NLRC3: variants seen among roughly 807,000 people sequenced by gnomAD.
The protein encoded by NLRC3 is NLR family CARD domain-containing protein 3.
Under a neutral mutation model 91.6 loss-of-function variants are expected in NLRC3, and 87 were observed. That is an observed-to-expected ratio of 0.95 (90% confidence interval 0.80 to 1.14). The LOEUF (loss-of-function observed/expected upper bound fraction) is 1.14. Ranked by LOEUF, NLRC3 falls within the 50% of genes most tolerant of loss-of-function variation. The pLI is 0.00. For synonymous variants in NLRC3, 694 were observed against 625.3 expected, an observed-to-expected ratio of 1.11 and a Z score of -1.64; for missense variants, 1,577 against 1,418.6, an observed-to-expected ratio of 1.11 and a Z score of -1.79.
At chr16:3,555,923 AAAATAAATAAATAAATAAAT>A (rs61481021) in intron 8 of NLRC3, 2,236 of 137,550 alleles carry the variant, frequency 0.016, 73 homozygotes, top group African/African-American at 0.057. Flanking sequence ...CACCCTAATA[AAAATAAATAAATAAATAAAT>A]AAATAAATAA....
rs1402101563 is a variant in NLRC3, at chr16:3,554,234, T to G, written c.2267+8A>C. Reference sequence around the variant, plus strand: ...GAGAAGGGGGAGAGAGGAGATGTGTTCACTCACTGCAGCATGGAGAGGGTC... The same window carrying G: ...GAGAAGGGGGAGAGAGGAGATGTGTGCACTCACTGCAGCATGGAGAGGGTC... On this transcript the variant is annotated splice_region_variant and intron_variant, in intron 9 of 19. Transcript: ENST00000359128. 8 of 1,599,406 alleles carry G rather than the reference T, an allele frequency of 5.0e-6. No homozygotes were observed. In the African/African-American group the frequency reaches 1.1e-4, roughly 21 times the overall value.
chr16:3,541,913 A>T lies in NLRC3; in HGVS notation c.3110T>A (p.Leu1037His), dbSNP rs771169585. The change falls in exon 20 of 20, where the codon CTC becomes CAC. Residue 1037 changes from leucine to histidine, a missense_variant and splice_region_variant. Coordinates refer to ENST00000359128, the MANE Select transcript of NLRC3 (RefSeq NM_178844.4). ...SGNHRLQHIN[L>H]QGNHIGDSGA... ...GGAGTCCCCAATGTGGTTTCCCTGG[A>T]GACTAGAAGAGTAGGGTTAAGGCAG... The T allele has an allele frequency of 3.1e-6, 5 of 1,592,314 alleles. No individual in the cohort carries two copies. The highest frequency in any genetic ancestry group is 4.3e-6 in the Non-Finnish European group (5 of 1,162,096).
At chr16:3,570,096 G>A (rs2040044601) in intron 1 of NLRC3, among the ~76,000 whole-genome samples, 1 of 152,084 alleles carries the variant, frequency 6.6e-6, no homozygotes, top group Non-Finnish European at 1.5e-5. Flanking sequence ...TGGGAGTTGG[G>A]ATAGAAATCA....
At chr16:3,571,297 A>C (rs972462819) in intron 1 of NLRC3, among the ~76,000 whole-genome samples, 7 of 152,044 alleles carry the variant, frequency 4.6e-5, no homozygotes, top group African/African-American at 1.4e-4. Context: ...TAATATTTTA[A>C]AATATTATTT....
chr16:3,575,963 C>T (rs2040274761), intron 1 of NLRC3, among the ~76,000 whole-genome samples: 1 of 152,054 alleles, frequency 6.6e-6, no homozygotes, highest in Non-Finnish European at 1.5e-5. Flanking sequence ...CCAGCATCAT[C>T]ACTTGAGCTC....
chr16:3,577,311 C>A lies in NLRC3; in HGVS notation c.-331G>T. The A allele has an allele frequency of 3.0e-6, 2 of 657,636 alleles. No individual in the cohort carries two copies. The highest frequency in any genetic ancestry group is 5.5e-6 in the Non-Finnish European group (2 of 361,220). The allele number at this position is 657,636 out of a possible 1,614,324, so 40.7% of individuals were successfully genotyped here. ...TCAGGACCAGGGATCAGGGCACTTA[C>A]CACGCCAACCAACCAACCGTGTGGG... On this transcript the variant is annotated 5_prime_UTR_variant, in exon 1 of 20. Coordinates refer to ENST00000359128, the MANE Select transcript of NLRC3 (RefSeq NM_178844.4).
intron 6 of NLRC3, among the ~76,000 whole-genome samples, chr16:3,559,547 G>T (rs760269762): frequency 3.3e-5 from 5 of 152,012 alleles, no homozygotes; most frequent in Non-Finnish European, 7.4e-5. Context: ...CTAAAAGTTG[G>T]CTATTTTGTC....
chr16:3,542,414 T>G (rs2038454591), intron 18 of NLRC3, 140 bp from the exon 19 acceptor site: 1 of 678,078 alleles, frequency 1.5e-6, no homozygotes, highest in Non-Finnish European at 2.7e-6. Flanking sequence ...AGGTGGGAGT[T>G]GACCCTGGAG....
At chr16:3,562,904 G>A (rs546540151) in intron 5 of NLRC3, 105 bp downstream of exon 5, 5 of 1,038,292 alleles carry the variant, frequency 4.8e-6, no homozygotes, top group African/African-American at 3.2e-5. Flanking sequence ...CCTCTGTTAC[G>A]GCAGCCCTAG....
rs763664611 is a variant in NLRC3 at position 3,548,163 on chromosome 16, G to A, written c.2743C>T (p.Gln915Ter). 1.9e-6 allele frequency: 3 copies of A among 1,593,710 alleles called. No individual in the cohort carries two copies. The highest frequency in any genetic ancestry group is 2.3e-5 in the East Asian group (1 of 44,166). The change falls in exon 15 of 20, where the codon CAG (glutamine) becomes TAG (stop). Residue 915 changes from glutamine to a stop codon, truncating the protein, a stop_gained. Coordinates refer to ENST00000359128, the MANE Select transcript of NLRC3 (RefSeq NM_178844.4). LOFTEE classifies it high-confidence loss of function. ...GAAQALGQAL[Q>*]LNRSLTSLDL... ...AAGCTGGTGAGGCTCCTGTTGAGCT[G>A]TAGTGCTTGTCCCAGGGCCTGGGCA...
In NLRC3 at chr16:3,542,269, T is replaced by C; in HGVS notation, c.3029A>G (p.Gln1010Arg). ...CCCGTCCATCCCCAGAGAATTCTCT[T>C]GAAGACTAAGTGGAAAAGAGATGGA... ...VNSSLRRLNL[Q>R]ENSLGMDGAI... The change falls in exon 19 of 20, where the codon CAA becomes CGA. Residue 1010 changes from glutamine to arginine, a missense_variant. Coordinates refer to ENST00000359128, the MANE Select transcript of NLRC3 (RefSeq NM_178844.4). 1.3e-6 allele frequency: 2 copies of C among 1,583,432 alleles called. No homozygotes were observed. The highest frequency in any genetic ancestry group is 3.5e-5 in the Admixed American group (2 of 56,842).
At chr16:3,553,039 A>G (rs977454501) in intron 9 of NLRC3, among the ~76,000 whole-genome samples, 1 of 152,254 alleles carries the variant, frequency 6.6e-6, no homozygotes, top group African/African-American at 2.4e-5. Context: ...GGAGGGAGAC[A>G]GCACGGGAGA....
chr16:3,565,143 G>A lies in NLRC3; in HGVS notation c.-24-83C>T, dbSNP rs75627281. 1.1e-3 allele frequency: 1,150 copies of A among 1,051,036 alleles called. 9 individuals carry two copies. The African/African-American group carries it at 0.016, about 14-fold the overall frequency. 65.1% of individuals were successfully genotyped at this position (1,051,036 alleles called of 1,614,324 possible). On this transcript the variant is annotated intron_variant, in intron 3 of 19. Coordinates refer to ENST00000359128, the MANE Select transcript of NLRC3 (RefSeq NM_178844.4). ...ACAGGTGAGCAAGTCCCCAGGAACG[G>A]GGTCAGGGATCCCCTCTTCCTCTTT...
At position 3,541,747 on chromosome 16, in the gene NLRC3, G is replaced by C. The variant is rs1463666730; in HGVS notation, c.*78C>G. ...AAGCAGCGTTCCCAGCTCCCAGACA[G>C]GCCCCCCAGAAGTCGGCCTTTCTGT... is the stretch of plus-strand genomic sequence containing the variant. On this transcript the variant is annotated 3_prime_UTR_variant, in exon 20 of 20. Coordinates refer to ENST00000359128, the MANE Select transcript of NLRC3 (RefSeq NM_178844.4). The C allele has an allele frequency of 1.9e-5, 18 of 935,910 alleles. No homozygotes were observed. Among genetic ancestry groups the C allele is most frequent in the Non-Finnish European group, 3.1e-5 (18 of 588,406 alleles). 58.0% of individuals were successfully genotyped at this position (935,910 alleles called of 1,614,324 possible).
chr16:3,549,597 G>T, intron 12 of NLRC3, 100 bp downstream of exon 12: 1 of 933,206 alleles, frequency 1.1e-6, no homozygotes, highest in Non-Finnish European at 1.7e-6. Flanking sequence ...GGCTTCCCCA[G>T]CCATAGATTT....
In NLRC3 at chr16:3,563,860, G is replaced by C. The variant is rs749896111; in HGVS notation, c.1077C>G (p.Thr359=). Residue 359 remains threonine, a synonymous_variant, in exon 5 of 20, where the codon ACC becomes ACG. Coordinates refer to ENST00000359128, the MANE Select transcript of NLRC3 (RefSeq NM_178844.4). ...PQDAELWPPR[T]LCELYSWYFR... ...AGTACCATGAGTAGAGCTCGCACAG[G>C]GTCCTCGGGGGCCACAGCTCTGCAT... 11 of 1,603,912 alleles carry C rather than the reference G, an allele frequency of 6.9e-6. No individual in the cohort carries two copies. The highest frequency in any genetic ancestry group is 9.4e-6 in the Non-Finnish European group (11 of 1,174,954).
rs762423192 is a variant in NLRC3 at position 3,564,382 on chromosome 16, G to C, written c.555C>G (p.His185Gln). 1.2e-6 allele frequency: 2 copies of C among 1,612,430 alleles called. No individual in the cohort carries two copies. Among genetic ancestry groups the C allele is most frequent in the African/African-American group, 1.3e-5 (1 of 74,958 alleles). ...TGAGTCGGTCGGCACACAGCTTCTCGTGGGTGTTGAGATCCCGGAAGGTCA... is the reference window on the plus strand; with the variant it reads ...TGAGTCGGTCGGCACACAGCTTCTCCTGGGTGTTGAGATCCCGGAAGGTCA... The part of the protein sequence containing the change: ...LPLTFRDLNT[H>Q]EKLCADRLIC... The change falls in exon 5 of 20, where the codon CAC becomes CAG. Residue 185 changes from histidine (H) to glutamine (Q), a missense_variant. Coordinates refer to ENST00000359128, the MANE Select transcript of NLRC3 (RefSeq NM_178844.4). The surrounding 1 kb of genome is among the most constrained non-coding windows in gnomAD (Gnocchi z 5.9).
chr16:3,569,395 T>TATAGATATATATATATATATA (rs1491362144), intron 1 of NLRC3, among the ~76,000 whole-genome samples: 5 of 47,752 alleles, frequency 1.0e-4, no homozygotes, highest in African/African-American at 3.7e-4. Flanking sequence ...TATATATATA[T>TATAGATATATATATATATATA]TATTTTTTTT....
intron 1 of NLRC3, among the ~76,000 whole-genome samples, chr16:3,569,684 C>T (rs2040030659): frequency 6.6e-6 from 1 of 151,384 alleles, no homozygotes; most frequent in Non-Finnish European, 1.5e-5. Context: ...AGGTGTGAGC[C>T]ACCGTGCCCA....
Sources: allele counts gnomAD v4.1 joint callset (sites outside exome capture counted in the v4.1 genomes callset), GRCh38; gene constraint gnomAD v4.1.1; non-coding constraint Gnocchi (gnomAD v3.1); transcripts MANE v1.5; gene names NCBI Gene and HGNC (gene_info 2026-07-23, HGNC 2026-07-21).